Variants in PDGFC observed in about 807,000 individuals in gnomAD.
PDGFC encodes the protein platelet-derived growth factor C.
PDGFC carries 12 observed loss-of-function variants against 35.5 expected under a neutral mutation model. That is an observed-to-expected ratio of 0.34 (90% CI 0.22 to 0.55). The LOEUF (loss-of-function observed/expected upper bound fraction) is 0.55. Among genes scored for constraint, PDGFC ranks in the 20% least tolerant of loss-of-function variants. The pLI, the probability that PDGFC is intolerant of heterozygous loss-of-function variation, is 0.91. For missense variants in PDGFC, 322 were observed against 412.4 expected (o/e 0.78, Z 1.90); for synonymous variants, 159 against 148.8 (o/e 1.07, Z -0.50).
intron 5 of PDGFC, among the ~76,000 whole-genome samples, chr4:156,766,915 A>G (rs1307412876): frequency 6.6e-6 from 1 of 152,160 alleles, no homozygotes; most frequent in Admixed American, 6.6e-5. Flanking sequence ...CATATGAAAA[A>G]TCATTTTATT....
chr4:156,904,297 C>T (rs1350626988), intron 1 of PDGFC, among the ~76,000 whole-genome samples: 1 of 151,912 alleles, frequency 6.6e-6, no homozygotes, highest in African/African-American at 2.4e-5. Flanking sequence ...TAATTAAAAG[C>T]CTTTTATGGT....
intron 3 of PDGFC, among the ~76,000 whole-genome samples, chr4:156,796,008 T>C (rs1731430992): frequency 6.6e-6 from 1 of 152,212 alleles, no homozygotes; most frequent in Non-Finnish European, 1.5e-5. Flanking sequence ...ACGTTTACTC[T>C]GAATCCCACA....
rs114678449 is a variant in PDGFC at position 156,772,843 on chromosome 4, T to G, written c.546A>C (p.Pro182=). 594 of 1,613,442 alleles carry G rather than the reference T, an allele frequency of 3.7e-4. 3 individuals carry two copies. The African/African-American group carries it at 6.7e-3, about 18-fold the overall frequency. ...TTATAGCATTATTAAGCAGGTCCAG[T>G]GGCAAAGCTGAAGGGGGTAGCACTG... ...SPSVLPPSAL[P]LDLLNNAITA... The change falls in exon 4 of 6, where the codon CCA becomes CCC. Residue 182 remains proline, a synonymous_variant. Transcript: ENST00000502773.
At chr4:156,968,368 C>T (rs761076085) in intron 1 of PDGFC, among the ~76,000 whole-genome samples, 3 of 152,078 alleles carry the variant, frequency 2.0e-5, no homozygotes, top group East Asian at 1.9e-4. Context: ...GGATCTTCTA[C>T]GTGGTATCCT....
chr4:156,780,653 T>C (rs1029831420), intron 3 of PDGFC, among the ~76,000 whole-genome samples: 18 of 152,128 alleles, frequency 1.2e-4, no homozygotes, highest in African/African-American at 4.3e-4. Context: ...GAAATAAGGG[T>C]ACAGAGTTAT....
intron 1 of PDGFC, among the ~76,000 whole-genome samples, chr4:156,962,910 C>T (rs906447103): frequency 1.3e-5 from 2 of 152,134 alleles, no homozygotes; most frequent in Non-Finnish European, 2.9e-5. Context: ...CCTTTAGACC[C>T]ATCCAACTAC....
chr4:156,942,309 A>G (rs1330426511), intron 1 of PDGFC, among the ~76,000 whole-genome samples: 1 of 152,130 alleles, frequency 6.6e-6, no homozygotes, highest in Admixed American at 6.6e-5. Flanking sequence ...TCCAACATCG[A>G]ATGTACTTTA....
At chr4:156,960,484 T>C (rs956748124) in intron 1 of PDGFC, among the ~76,000 whole-genome samples, 1 of 151,246 alleles carries the variant, frequency 6.6e-6, no homozygotes, top group African/African-American at 2.4e-5. Flanking sequence ...TATATCTATA[T>C]ATGTGTGTGT....
intron 1 of PDGFC, among the ~76,000 whole-genome samples, chr4:156,903,093 G>GAA (rs1192034331): frequency 3.3e-5 from 3 of 90,334 alleles, no homozygotes; most frequent in Non-Finnish European, 6.5e-5. Context: ...CAAAGAGAGA[G>GAA]AGAGAGAGAG....
chr4:156,783,646 T>C (rs1731039347), intron 3 of PDGFC, among the ~76,000 whole-genome samples: 2 of 152,180 alleles, frequency 1.3e-5, no homozygotes, highest in South Asian at 4.1e-4. Context: ...TCTGTTCATA[T>C]GTCTAGCACT....
chr4:156,850,091 C>T, intron 2 of PDGFC, 130 bp downstream of exon 2: 1 of 501,570 alleles, frequency 2.0e-6, no homozygotes, highest in South Asian at 4.8e-5. Context: ...TTCAATAAGG[C>T]TGGAAATTTC....
chr4:156,947,406 G>T (rs1226116282), intron 1 of PDGFC, among the ~76,000 whole-genome samples: 1 of 152,002 alleles, frequency 6.6e-6, no homozygotes, highest in Non-Finnish European at 1.5e-5. Flanking sequence ...ACTTTCAGGG[G>T]TTCTAGACTC....
At chr4:156,913,456 G>A (rs1352347025) in intron 1 of PDGFC, among the ~76,000 whole-genome samples, 1 of 152,140 alleles carries the variant, frequency 6.6e-6, no homozygotes, top group African/African-American at 2.4e-5. Context: ...TGATGCAACT[G>A]GAACAGTGAC....
chr4:156,900,600 G>A (rs1362763821), intron 1 of PDGFC, among the ~76,000 whole-genome samples: 2 of 152,130 alleles, frequency 1.3e-5, no homozygotes, highest in African/African-American at 2.4e-5. Flanking sequence ...CAGCACTTCG[G>A]GAGGCTGAGA....
chr4:156,952,022 T>A (rs1432090677), intron 1 of PDGFC, among the ~76,000 whole-genome samples: 1 of 151,886 alleles, frequency 6.6e-6, no homozygotes. Context: ...TTATTTGGGA[T>A]ATAAACTGTT....
intron 1 of PDGFC, among the ~76,000 whole-genome samples, chr4:156,953,369 A>G (rs1337688274): frequency 6.6e-6 from 1 of 151,960 alleles, no homozygotes; most frequent in Non-Finnish European, 1.5e-5. Flanking sequence ...ACTAAAGTCA[A>G]CTAATGGTAA....
chr4:156,914,892 C>T (rs1281161780), intron 1 of PDGFC, among the ~76,000 whole-genome samples: 1 of 127,452 alleles, frequency 7.8e-6, no homozygotes, highest in Admixed American at 8.3e-5. Flanking sequence ...CTTTACAATA[C>T]CCAGGATTGG....
chr4:156,931,843 C>T lies in PDGFC; in HGVS notation c.118+38943G>A, dbSNP rs562515815. Among the ~76,000 whole-genome samples, 25 of 151,922 alleles carry T rather than the reference C, an allele frequency of 1.6e-4. No individual in the cohort carries two copies. In the South Asian group the frequency reaches 5.0e-3, roughly 30 times the overall value. On this transcript the variant is annotated intron_variant, in intron 1 of 5. Coordinates refer to ENST00000502773, the MANE Select transcript of PDGFC (RefSeq NM_016205.3). Reference sequence around the variant, plus strand: ...TTTTTGTTAAACTACATGTGTTGAACAGAAAACTTAGGTAGTGGAATGTAC... The same window carrying T: ...TTTTTGTTAAACTACATGTGTTGAATAGAAAACTTAGGTAGTGGAATGTAC...
intron 1 of PDGFC, among the ~76,000 whole-genome samples, chr4:156,960,252 T>TTTTA (rs1393791877): frequency 1.5e-5 from 2 of 137,118 alleles, no homozygotes; most frequent in African/African-American, 5.7e-5. Context: ...TATATAACTG[T>TTTTA]TATATATATA....
Sources: gnomAD v4.1 joint callset for allele counts (sites outside exome capture counted in the v4.1 genomes callset) on GRCh38, gnomAD v4.1.1 for gene constraint, MANE v1.5 for transcripts, NCBI Gene and HGNC (gene_info 2026-07-23, HGNC 2026-07-21) for gene names.